Variants in PRDM16 observed in about 807,000 individuals in gnomAD.
PRDM16 encodes PR/SET domain 16, also known as histone-lysine N-methyltransferase PRDM16.
Under a neutral mutation model 110.6 loss-of-function variants are expected in PRDM16, and 23 were observed. The ratio of observed to expected loss-of-function variants is 0.21; its 90% CI spans 0.15 to 0.29. The LOEUF is 0.29. Ranked by LOEUF, PRDM16 falls within the 10% of genes least tolerant of loss-of-function variation. The probability of loss-of-function intolerance (pLI) is 1.00; values close to 1 mark genes in which losing one functional copy is unlikely to be tolerated. For missense variants in PRDM16, 1,615 were observed against 1,794.3 expected (o/e 0.90, Z 1.81); for synonymous variants, 799 against 781.8 (o/e 1.02, Z -0.37).
intron 1 of PRDM16, among the ~76,000 whole-genome samples, chr1:3,079,169 C>T (rs1003937256): frequency 1.3e-5 from 2 of 152,250 alleles, no homozygotes; most frequent in African/African-American, 2.4e-5. Flanking sequence ...CGCCGCTGCC[C>T]GGGCCTGTTT....
At position 3,412,425 on chromosome 1, in the gene PRDM16, G is replaced by T. The variant is rs532623381; in HGVS notation, c.2228G>T (p.Arg743Leu). 1.7e-5 allele frequency: 28 copies of T among 1,611,922 alleles called. No homozygotes were observed. In the African/African-American group the frequency reaches 2.5e-4, roughly 15 times the overall value. ...FPHSLYPFTD[R>L]ALAHNLLVKA... Reference sequence around the variant, plus strand: ...CACTCCCTTTACCCCTTCACGGACCGAGCCCTCGCCCACAACTTGCTGGTC... The same window carrying T: ...CACTCCCTTTACCCCTTCACGGACCTAGCCCTCGCCCACAACTTGCTGGTC... Residue 743 changes from arginine (R) to leucine (L), a missense_variant, in exon 9 of 17, where the codon CGA becomes CTA. Transcript: ENST00000270722.
intron 3 of PRDM16, among the ~76,000 whole-genome samples, chr1:3,317,803 A>G (rs77828565): frequency 6.6e-6 from 1 of 152,376 alleles, no homozygotes; most frequent in East Asian, 1.9e-4. Context: ...CTTTTAATAG[A>G]GACCCAGAAA....
rs755588843 is a variant in PRDM16 at position 3,432,013 on chromosome 1, C to T, written c.3569C>T (p.Pro1190Leu). The T allele has an allele frequency of 8.7e-6, 14 of 1,613,938 alleles. No individual in the cohort carries two copies. The African/African-American group carries it at 1.1e-4, about 12-fold the overall frequency. ...EGGLLALEPMPTFGKGLDLRR... is the reference protein window; with the variant it reads ...EGGLLALEPMLTFGKGLDLRR... ...GGTCTGTTAGCTTTGGAGCCGATGC[C>T]GACTTTTGGGAAGGGGCTGGACCTC... The change falls in exon 16 of 17, where the codon CCG (proline) becomes CTG (leucine). Residue 1190 changes from proline (P) to leucine (L), a missense_variant. Transcript: ENST00000270722.
At chr1:3,147,321 G>T (rs774417429) in intron 1 of PRDM16, among the ~76,000 whole-genome samples, 1 of 151,820 alleles carries the variant, frequency 6.6e-6, no homozygotes, top group African/African-American at 2.4e-5. Context: ...TGAGGTCTGG[G>T]GTGTGTGACG....
chr1:3,287,773 C>G (rs1269677753), intron 3 of PRDM16, among the ~76,000 whole-genome samples: 1 of 143,384 alleles, frequency 7.0e-6, no homozygotes, highest in African/African-American at 2.7e-5. Context: ...TCGAGGATTG[C>G]ATTTACCGGG....
intron 2 of PRDM16, among the ~76,000 whole-genome samples, chr1:3,212,460 G>A (rs888728670): frequency 1.3e-5 from 2 of 152,144 alleles, no homozygotes; most frequent in African/African-American, 4.8e-5. Context: ...GCCTGCAGTA[G>A]GGACAGCAGA....
chr1:3,331,968 C>G (rs560105292), intron 3 of PRDM16, among the ~76,000 whole-genome samples: 1 of 152,228 alleles, frequency 6.6e-6, no homozygotes, highest in Non-Finnish European at 1.5e-5. Context: ...TCTATCATGC[C>G]CCTAAAACAT....
chr1:3,397,221 G>A (rs140045484), intron 5 of PRDM16, among the ~76,000 whole-genome samples: 3 of 152,342 alleles, frequency 2.0e-5, no homozygotes, highest in African/African-American at 7.2e-5. Flanking sequence ...GGTCTGAGGC[G>A]GGTCTCACAG....
intron 3 of PRDM16, among the ~76,000 whole-genome samples, chr1:3,300,855 G>A (rs1345888651): frequency 6.6e-6 from 1 of 152,164 alleles, no homozygotes; most frequent in Admixed American, 6.5e-5. Context: ...CCCAGACCCA[G>A]ACTTTTGTCC....
At chr1:3,235,273 G>A (rs535683110) in intron 2 of PRDM16, among the ~76,000 whole-genome samples, 17 of 152,344 alleles carry the variant, frequency 1.1e-4, no homozygotes, top group Non-Finnish European at 2.5e-4. Context: ...TTTCCAGGGC[G>A]TGCGTGTCCA....
At chr1:3,423,648 G>A (rs865987312) in intron 12 of PRDM16, among the ~76,000 whole-genome samples, 49 of 152,260 alleles carry the variant, frequency 3.2e-4, no homozygotes, top group African/African-American at 9.1e-4. Context: ...GGGGCCTCTC[G>A]GAGTCCTGTC....
intron 7 of PRDM16, among the ~76,000 whole-genome samples, chr1:3,405,166 G>T (rs2100647001): frequency 6.6e-6 from 1 of 152,286 alleles, no homozygotes; most frequent in South Asian, 2.1e-4. Flanking sequence ...GGAAGGAAGA[G>T]GCTGGCGGGG....
At position 3,353,675 on chromosome 1, in the gene PRDM16, G is replaced by A. The variant is rs1282496578; in HGVS notation, c.439-31477G>A. On this transcript the variant is annotated intron_variant, in intron 3 of 16. Transcript: ENST00000270722. This position sits in a 1 kb window ranked among gnomAD's most constrained non-coding sequence, Gnocchi z 5.4. Reference sequence around the variant, plus strand: ...TCACTGCACCCACAGGCTTTGCAGAGAGAACAGGACAATCCTAGCTCAGGC... The same window carrying A: ...TCACTGCACCCACAGGCTTTGCAGAAAGAACAGGACAATCCTAGCTCAGGC... Among the ~76,000 whole-genome samples, 2 of 152,214 alleles carry A rather than the reference G, an allele frequency of 1.3e-5. 1 individual carries two copies. The highest frequency in any genetic ancestry group is 4.1e-4 in the South Asian group (2 of 4,836).
intron 2 of PRDM16, among the ~76,000 whole-genome samples, chr1:3,227,178 G>A (rs956222884): frequency 5.3e-5 from 8 of 152,226 alleles, no homozygotes; most frequent in East Asian, 1.9e-4. Flanking sequence ...CCTCATCCCC[G>A]GGCTGCTGGA....
At chr1:3,098,118 G>A (rs996541926) in intron 1 of PRDM16, among the ~76,000 whole-genome samples, 9 of 152,152 alleles carry the variant, frequency 5.9e-5, no homozygotes, top group African/African-American at 2.2e-4. Context: ...CTGTCAGTGT[G>A]CTGGGGGCTG....
intron 1 of PRDM16, among the ~76,000 whole-genome samples, chr1:3,142,077 G>A (rs1472668863): frequency 6.6e-6 from 1 of 152,256 alleles, no homozygotes; most frequent in Non-Finnish European, 1.5e-5. Context: ...GGAGCTGGGA[G>A]CACTTCTGAA....
At chr1:3,333,408 A>G (rs1425809824) in intron 3 of PRDM16, among the ~76,000 whole-genome samples, 1 of 152,162 alleles carries the variant, frequency 6.6e-6, no homozygotes, top group Non-Finnish European at 1.5e-5. Context: ...GCAGGATCTC[A>G]GAATCTTGGG....
intron 3 of PRDM16, among the ~76,000 whole-genome samples, chr1:3,284,919 C>T (rs567066613): frequency 1.4e-4 from 22 of 152,344 alleles, no homozygotes; most frequent in African/African-American, 3.8e-4. Flanking sequence ...CTACTCACCA[C>T]GCTGGCCCTT....
intron 1 of PRDM16, among the ~76,000 whole-genome samples, chr1:3,074,794 C>T (rs1162015562): frequency 6.6e-6 from 1 of 151,800 alleles, no homozygotes; most frequent in Admixed American, 6.5e-5. Context: ...TAACCACCAC[C>T]CACCGCCTCC....
Sources: gnomAD v4.1 joint callset for allele counts (sites outside exome capture counted in the v4.1 genomes callset) on GRCh38, gnomAD v4.1.1 for gene constraint, Gnocchi (gnomAD v3.1) non-coding constraint, MANE v1.5 for transcripts, NCBI Gene and HGNC (gene_info 2026-07-23, HGNC 2026-07-21) for gene names.